Variants in KYNU observed in about 807,000 individuals in gnomAD.
KYNU encodes kynureninase.
KYNU carries 54 observed loss-of-function variants against 59.2 expected under a neutral mutation model. The ratio of observed to expected loss-of-function variants is 0.91; its 90% CI spans 0.73 to 1.14. The LOEUF is 1.14. Among genes scored for constraint, KYNU ranks in the 50% most tolerant of loss-of-function variants. The pLI, the probability that KYNU is intolerant of heterozygous loss-of-function variation, is 0.00. For synonymous variants in KYNU, 177 were observed against 192.0 expected (o/e 0.92, Z 0.65); for missense variants, 567 against 554.4 (o/e 1.02, Z -0.23).
intron 2 of KYNU, among the ~76,000 whole-genome samples, chr2:142,908,088 G>A (rs1212166383): frequency 6.6e-6 from 1 of 152,188 alleles, no homozygotes; most frequent in African/African-American, 2.4e-5. Context: ...TTGAGTGTTT[G>A]TATATGTGTG....
intron 2 of KYNU, among the ~76,000 whole-genome samples, chr2:142,901,464 C>T (rs1334276196): frequency 2.0e-5 from 3 of 152,104 alleles, no homozygotes; most frequent in South Asian, 4.2e-4. Context: ...CTTTAATACC[C>T]GCTTGGCAGT....
chr2:142,987,702 G>A (rs991661051), intron 10 of KYNU, among the ~76,000 whole-genome samples: 2 of 151,838 alleles, frequency 1.3e-5, no homozygotes, highest in African/African-American at 4.8e-5. Context: ...ATGAGATGAT[G>A]TATGTAAAAC....
intron 10 of KYNU, chr2:142,988,948 A>T: frequency 1.4e-6 from 2 of 1,447,318 alleles, no homozygotes; most frequent in Non-Finnish European, 1.9e-6. Context: ...AGGAAAAGAA[A>T]TGTTTTGCTG....
Position 142,905,313 on chromosome 2 carries a change from C to G in KYNU, c.170-13296C>G, listed in dbSNP as rs568076174. Among the ~76,000 whole-genome samples, 72 of 152,304 alleles carry G rather than the reference C, an allele frequency of 4.7e-4. No homozygotes were observed. In the Middle Eastern group the frequency reaches 0.01, roughly 22 times the overall value. ...AGGTACTTTAAGGCTTGGCTGAGTG[C>G]AAACAGCTCACACGTTTGACAGACC... is the stretch of plus-strand genomic sequence containing the variant. On this transcript the variant is annotated intron_variant, in intron 2 of 13. Coordinates refer to ENST00000264170, the MANE Select transcript of KYNU (RefSeq NM_003937.3).
At chr2:142,919,353 A>G (rs1435567996) in intron 3 of KYNU, among the ~76,000 whole-genome samples, 2 of 152,228 alleles carry the variant, frequency 1.3e-5, no homozygotes, top group Non-Finnish European at 2.9e-5. Flanking sequence ...TTTAGTAACT[A>G]ACAGAGGAGT....
At chr2:142,929,589 G>C (rs1683147643) in intron 4 of KYNU, among the ~76,000 whole-genome samples, 1 of 152,126 alleles carries the variant, frequency 6.6e-6, no homozygotes, top group African/African-American at 2.4e-5. Flanking sequence ...AAGGTGGTTG[G>C]GTTGACAAAA....
chr2:143,026,730 A>C lies in KYNU; in HGVS notation c.903-2897A>C, dbSNP rs565876580. ...AGAGGGCACGTTACAGTGCTCTTTTAGCTCTGCTGTCCGCAGTCCGCAGTC... is the reference window on the plus strand; with the variant it reads ...AGAGGGCACGTTACAGTGCTCTTTTCGCTCTGCTGTCCGCAGTCCGCAGTC... On this transcript the variant is annotated intron_variant, in intron 10 of 13. Transcript: ENST00000264170. 5.6e-5 allele frequency among the ~76,000 whole-genome samples: 8 copies of C among 142,866 alleles called. No homozygotes were observed. In the South Asian group the frequency reaches 1.8e-3, roughly 32 times the overall value. The allele number at this position is 142,866 out of a possible 152,430, so 93.7% of individuals were successfully genotyped here.
intron 4 of KYNU, among the ~76,000 whole-genome samples, chr2:142,935,369 A>G (rs1214404285): frequency 6.6e-6 from 1 of 152,180 alleles, no homozygotes; most frequent in Admixed American, 6.5e-5. Context: ...TGTGGTCTTG[A>G]TGGTGGCATC....
chr2:142,877,722 T>C lies in KYNU; in HGVS notation c.-34T>C, dbSNP rs1369730889. ...GAGATTCTGGGAGCCAAACACTCCA[T>C]TGGGATCCTAGCTGGTAAGCTTGAG... On this transcript the variant is annotated 5_prime_UTR_variant, in exon 1 of 14. Transcript: ENST00000264170. The C allele has an allele frequency of 2.0e-5, 3 of 152,186 alleles. No homozygotes were observed. Among genetic ancestry groups the C allele is most frequent in the East Asian group, 3.8e-4 (2 of 5,198 alleles). The allele number at this position is 152,186 out of a possible 1,614,324, so 9.4% of individuals were successfully genotyped here. A position where few individuals can be genotyped will look rare whatever the true frequency, so the allele number is the denominator to read the frequency against.
chr2:142,921,275 G>T (rs897303571), intron 3 of KYNU, among the ~76,000 whole-genome samples: 1 of 152,234 alleles, frequency 6.6e-6, no homozygotes, highest in Non-Finnish European at 1.5e-5. Context: ...CCAAGAGGGA[G>T]ATGAATGGCA....
At chr2:143,022,545 G>T (rs997372377) in intron 10 of KYNU, among the ~76,000 whole-genome samples, 3 of 151,640 alleles carry the variant, frequency 2.0e-5, no homozygotes, top group Non-Finnish European at 4.4e-5. Context: ...CCTCTTTTTT[G>T]ATTTGGTTTT....
intron 11 of KYNU, among the ~76,000 whole-genome samples, chr2:143,032,733 G>GTGTGTGTGTGTC (rs1426569918): frequency 1.3e-5 from 2 of 151,324 alleles, no homozygotes; most frequent in African/African-American, 4.9e-5. Flanking sequence ...GTGTGTGTGT[G>GTGTGTGTGTGTC]TGTGTGTGTC....
intron 8 of KYNU, 143 bp downstream of exon 8, chr2:142,960,913 G>T: frequency 1.0e-6 from 1 of 957,692 alleles, no homozygotes; most frequent in Non-Finnish European, 1.6e-6. Flanking sequence ...AGTAAACCTT[G>T]GGCCAGGCAC....
At chr2:142,936,579 G>A (rs1008917855) in intron 4 of KYNU, among the ~76,000 whole-genome samples, 11 of 152,180 alleles carry the variant, frequency 7.2e-5, no homozygotes, top group Non-Finnish European at 1.6e-4. Flanking sequence ...TCCCGGAATG[G>A]GATCAGTTGG....
In KYNU at chr2:143,049,581, T is replaced by C. The variant is rs553738701; in HGVS notation, c.*7409T>C. Reference sequence around the variant, plus strand: ...CTAGAAGTTTCCTGAGACCATCCCTTGCCCAGCTCTTTTGGTGATCCCCTT... The same window carrying C: ...CTAGAAGTTTCCTGAGACCATCCCTCGCCCAGCTCTTTTGGTGATCCCCTT... On this transcript the variant is annotated 3_prime_UTR_variant, in exon 14 of 14. Transcript: ENST00000264170. The C allele has an allele frequency of 1.3e-5, 2 of 152,380 alleles. No homozygotes were observed. The highest frequency in any genetic ancestry group is 4.8e-5 in the African/African-American group (2 of 41,592). The allele number at this position is 152,380 out of a possible 1,614,324, so 9.4% of individuals were successfully genotyped here. A position where few individuals can be genotyped will look rare whatever the true frequency, so the allele number is the denominator to read the frequency against.
At chr2:142,972,981 T>G (rs1037610318) in intron 8 of KYNU, among the ~76,000 whole-genome samples, 12 of 149,794 alleles carry the variant, frequency 8.0e-5, no homozygotes, top group African/African-American at 2.9e-4. Flanking sequence ...CTTTGATGTT[T>G]GTAATGCTGA....
At chr2:142,959,335 C>T (rs1329195473) in intron 7 of KYNU, among the ~76,000 whole-genome samples, 3 of 152,116 alleles carry the variant, frequency 2.0e-5, no homozygotes, top group East Asian at 1.9e-4. Context: ...GCCTGTAATC[C>T]CAGCACTTTG....
intron 13 of KYNU, among the ~76,000 whole-genome samples, chr2:143,041,459 C>T (rs1023104215): frequency 1.5e-4 from 23 of 151,958 alleles, no homozygotes; most frequent in African/African-American, 5.3e-4. Context: ...AATAAATTAC[C>T]TCCAAGAGTT....
At chr2:142,976,504 G>A (rs751168835) in intron 8 of KYNU, among the ~76,000 whole-genome samples, 16 of 151,996 alleles carry the variant, frequency 1.1e-4, no homozygotes, top group Non-Finnish European at 2.2e-4. Context: ...AGGACAACGG[G>A]GTTTTTCCAA....
Sources: gnomAD v4.1 joint callset for allele counts (sites outside exome capture counted in the v4.1 genomes callset) on GRCh38, gnomAD v4.1.1 for gene constraint, MANE v1.5 for transcripts, NCBI Gene and HGNC (gene_info 2026-07-23, HGNC 2026-07-21) for gene names.